Variants in TTLL5 observed in about 807,000 individuals in gnomAD.
The protein encoded by TTLL5 is tubulin polyglutamylase TTLL5.
In TTLL5, 132 loss-of-function variants were observed where a neutral mutation model predicts 168.4. The ratio of observed to expected loss-of-function variants is 0.78; its 90% CI spans 0.68 to 0.91. TTLL5 has a LOEUF of 0.91. Ranked by LOEUF, TTLL5 falls within the 40% of genes least tolerant of loss-of-function variation. TTLL5 has a pLI of 0.00. For missense variants in TTLL5, 1,545 were observed against 1,581.5 expected (o/e 0.98, Z 0.39); for synonymous variants, 546 against 558.6 (o/e 0.98, Z 0.32).
At chr14:75,916,324 A>G (rs1476693817) in intron 31 of TTLL5, among the ~76,000 whole-genome samples, 1 of 152,042 alleles carries the variant, frequency 6.6e-6, no homozygotes, top group Non-Finnish European at 1.5e-5. Context: ...GAAAAACACT[A>G]TGGTGGTTCC....
chr14:75,720,459 C>A, intron 11 of TTLL5, 137 bp from the exon 12 acceptor site: 1 of 660,706 alleles, frequency 1.5e-6, no homozygotes, highest in South Asian at 1.8e-5. Flanking sequence ...CTCTATAGCA[C>A]CCATTCAGAA....
intron 28 of TTLL5, chr14:75,838,165 C>T (rs1474616972): frequency 6.6e-6 from 1 of 152,104 alleles, no homozygotes; most frequent in Non-Finnish European, 1.5e-5. Flanking sequence ...CACAGAGGCT[C>T]TGGTGCAGGT....
Position 75,720,632 on chromosome 14 carries a change from C to G in TTLL5, c.971C>G (p.Thr324Ser). Reference protein sequence around the residue: ...MAHVEDLIIKTIISAELAIAT... With the variant: ...MAHVEDLIIKSIISAELAIAT... ...CATGTAGAAGACCTGATCATTAAGACTATAATCTCTGCTGAACTAGCTATT... is the reference window on the plus strand; with the variant it reads ...CATGTAGAAGACCTGATCATTAAGAGTATAATCTCTGCTGAACTAGCTATT... Residue 324 changes from threonine to serine, a missense_variant, in exon 12 of 32, where the codon ACT (threonine) becomes AGT (serine). By Grantham distance (58) the Thr-to-Ser change is moderately conservative. Transcript: ENST00000298832. 1 of 1,613,670 alleles carries G rather than the reference C, an allele frequency of 6.2e-7. No homozygotes were observed. Among genetic ancestry groups the G allele is most frequent in the Non-Finnish European group, 8.5e-7 (1 of 1,179,666 alleles).
intron 20 of TTLL5, among the ~76,000 whole-genome samples, chr14:75,770,053 C>T (rs1469497115): frequency 2.0e-5 from 3 of 151,518 alleles, no homozygotes; most frequent in Non-Finnish European, 2.9e-5. Context: ...TAGTGAGCAC[C>T]TGTAATCTTA....
intron 31 of TTLL5, among the ~76,000 whole-genome samples, chr14:75,904,750 A>G (rs1050780376): frequency 6.6e-6 from 1 of 152,136 alleles, no homozygotes. Flanking sequence ...GTAGTTTATT[A>G]CTTACTGCTT....
intron 20 of TTLL5, among the ~76,000 whole-genome samples, chr14:75,771,403 G>A (rs1224795391): frequency 6.6e-6 from 1 of 152,126 alleles, no homozygotes; most frequent in Non-Finnish European, 1.5e-5. Flanking sequence ...ACTGCAGCCT[G>A]GGTGACAGAA....
intron 29 of TTLL5, among the ~76,000 whole-genome samples, chr14:75,868,107 C>G (rs1487240221): frequency 6.6e-6 from 1 of 152,152 alleles, no homozygotes; most frequent in Non-Finnish European, 1.5e-5. Flanking sequence ...TGGCGCAGGA[C>G]AGAGCGATTA....
intron 31 of TTLL5, among the ~76,000 whole-genome samples, chr14:75,935,345 G>A (rs1314596068): frequency 6.6e-6 from 1 of 152,208 alleles, no homozygotes; most frequent in African/African-American, 2.4e-5. Flanking sequence ...GCTGTCAATA[G>A]TAATAACATC....
At chr14:75,664,717 G>A (rs927494678) in intron 2 of TTLL5, among the ~76,000 whole-genome samples, 2 of 152,162 alleles carry the variant, frequency 1.3e-5, no homozygotes, top group African/African-American at 4.8e-5. Context: ...ATAATTAAAT[G>A]GATAATTCCC....
intron 28 of TTLL5, among the ~76,000 whole-genome samples, chr14:75,853,185 T>C (rs999022157): frequency 6.6e-6 from 1 of 152,226 alleles, no homozygotes; most frequent in Non-Finnish European, 1.5e-5. Context: ...ACAGGACTCA[T>C]TTACACCAAG....
At chr14:75,676,327 A>G (rs190687662) in intron 3 of TTLL5, among the ~76,000 whole-genome samples, 41 of 152,312 alleles carry the variant, frequency 2.7e-4, no homozygotes, top group South Asian at 1.2e-3. Context: ...CTAGAAATCT[A>G]TATTTTTATA....
intron 31 of TTLL5, among the ~76,000 whole-genome samples, chr14:75,929,785 A>G (rs1192391740): frequency 6.6e-6 from 1 of 152,062 alleles, no homozygotes; most frequent in African/African-American, 2.4e-5. Context: ...GCATTTCTTA[A>G]GTTTATCTGA....
At position 75,888,935 on chromosome 14, in the gene TTLL5, G is replaced by GAAA. The variant is rs10680423; in HGVS notation, c.3740+6043_3740+6045dup. Among the ~76,000 whole-genome samples, 941 of 145,460 alleles carry GAAA rather than the reference G, an allele frequency of 6.5e-3. 10 individuals carry two copies. The highest frequency in any genetic ancestry group is 0.013 in the African/African-American group (519 of 39,318). ...TGGGCAACAGAGAGAGACTGTCTCC[G>GAAA]AAAAAAAAAAAAGAAGGCTTCATGG... On this transcript the variant is annotated intron_variant, in intron 30 of 31. Transcript: ENST00000298832.
Position 75,820,037 on chromosome 14 carries a change from A to G in TTLL5, c.3202A>G (p.Ile1068Val), listed in dbSNP as rs1222612175. 1 of 1,606,228 alleles carries G rather than the reference A, an allele frequency of 6.2e-7. No homozygotes were observed. The highest frequency in any genetic ancestry group is 8.5e-7 in the Non-Finnish European group (1 of 1,176,684). ...VTNLNLATGI[I>V]NRSSASAPPT... The stretch of plus-strand genomic sequence containing the variant: ...AAACCTGAATTTGGCAACTGGCATC[A>G]TAAACAGAAGCAGTGCTTCAGCTCC... The change falls in exon 28 of 32, where the codon ATA becomes GTA. Residue 1068 changes from isoleucine (I) to valine (V), a missense_variant. Coordinates refer to ENST00000298832, the MANE Select transcript of TTLL5 (RefSeq NM_015072.5).
At chr14:75,792,026 A>C (rs556143768) in intron 26 of TTLL5, among the ~76,000 whole-genome samples, 1 of 152,160 alleles carries the variant, frequency 6.6e-6, no homozygotes. Flanking sequence ...CTCCTGCCTC[A>C]GCCTCCCAAG....
intron 3 of TTLL5, among the ~76,000 whole-genome samples, chr14:75,676,111 C>A (rs1594851334): frequency 1.3e-5 from 2 of 152,290 alleles, no homozygotes; most frequent in South Asian, 4.1e-4. Context: ...TTGTTCTATT[C>A]TTGCCCTCAA....
chr14:75,707,753 GGTGGGTATATTAAGA>G lies in TTLL5; in HGVS notation c.740+51_740+65del, dbSNP rs777290847. The G allele has an allele frequency of 3.4e-6, 5 of 1,469,152 alleles. No homozygotes were observed. The South Asian group carries it at 4.6e-5, about 14-fold the overall frequency. 91.0% of individuals were successfully genotyped at this position (1,469,152 alleles called of 1,614,324 possible). A position where few individuals can be genotyped will look rare whatever the true frequency, so the allele number is the denominator to read the frequency against. On this transcript the variant is annotated intron_variant, in intron 9 of 31. Coordinates refer to ENST00000298832, the MANE Select transcript of TTLL5 (RefSeq NM_015072.5). ...GAAGGGGTTGGGTGGGTATATTAAG[GGTGGGTATATTAAGA>G]GTGGATCCATTAACAAGTTTATTAA...
At chr14:75,923,374 G>A (rs764425372) in intron 31 of TTLL5, among the ~76,000 whole-genome samples, 1 of 152,094 alleles carries the variant, frequency 6.6e-6, no homozygotes, top group Non-Finnish European at 1.5e-5. Context: ...TCTACACACT[G>A]CTTTAAATGT....
Position 75,681,596 on chromosome 14 carries a change from G to T in TTLL5, c.233G>T (p.Arg78Leu). 1.2e-6 allele frequency: 2 copies of T among 1,613,312 alleles called. No homozygotes were observed. The highest frequency in any genetic ancestry group is 8.5e-7 in the Non-Finnish European group (1 of 1,179,882). ...GTACGAACGGACAGTCGCCTAGTAC[G>T]CAGCATTCTGACAGCCCATGGATTT... Reference protein sequence around the residue: ...KIVRTDSRLVRSILTAHGFHE... With the variant: ...KIVRTDSRLVLSILTAHGFHE... The change falls in exon 4 of 32, where the codon CGC becomes CTC. Residue 78 changes from arginine to leucine, a missense_variant. Arg to Leu is a moderately radical substitution (Grantham distance 102). Coordinates refer to ENST00000298832, the MANE Select transcript of TTLL5 (RefSeq NM_015072.5).
Sources: allele counts gnomAD v4.1 joint callset (sites outside exome capture counted in the v4.1 genomes callset), GRCh38; gene constraint gnomAD v4.1.1; transcripts MANE v1.5; gene names NCBI Gene and HGNC (gene_info 2026-07-23, HGNC 2026-07-21).